Variants in SGCE observed in about 807,000 individuals in gnomAD.
The protein encoded by SGCE is sarcoglycan epsilon.
Under a neutral mutation model 57.8 loss-of-function variants are expected in SGCE, and 26 were observed. The ratio of observed to expected loss-of-function variants is 0.45; its 90% confidence interval spans 0.33 to 0.62. The LOEUF (loss-of-function observed/expected upper bound fraction) is 0.62, where lower values mean the gene tolerates loss of function less well. SGCE is among the 20% of genes least tolerant of loss of function. The pLI, the probability that SGCE is intolerant of heterozygous loss-of-function variation, is 0.02. For missense variants in SGCE, 468 were observed against 548.6 expected, an observed-to-expected ratio of 0.85 and a Z score of 1.47; for synonymous variants, 183 against 189.5, an observed-to-expected ratio of 0.97 and a Z score of 0.28.
At position 94,651,441 on chromosome 7, in the gene SGCE, C is replaced by T. The variant is rs973950649; in HGVS notation, c.109+4549G>A. 6.6e-5 allele frequency among the ~76,000 whole-genome samples: 10 copies of T among 152,236 alleles called. 1 individual carries two copies. The highest frequency in any genetic ancestry group is 2.4e-4 in the African/African-American group (10 of 41,534). Reference sequence around the variant, plus strand: ...CGATACCCTGACGCAAACCCAAGAACGTATACACCTCGCCGGTGCTGGTTC... The same window carrying T: ...CGATACCCTGACGCAAACCCAAGAATGTATACACCTCGCCGGTGCTGGTTC... On this transcript the variant is annotated intron_variant, in intron 1 of 10. Transcript: ENST00000648936.
chr7:94,641,814 T>C (rs986701147), intron 1 of SGCE, among the ~76,000 whole-genome samples: 1 of 152,072 alleles, frequency 6.6e-6, no homozygotes, highest in African/African-American at 2.4e-5. Context: ...GTAGTAGTAG[T>C]AGTGTTTTTA....
intron 5 of SGCE, among the ~76,000 whole-genome samples, chr7:94,612,798 T>C (rs1052955691): frequency 2.3e-4 from 35 of 152,096 alleles, no homozygotes; most frequent in Non-Finnish European, 2.1e-4. Flanking sequence ...TGTTCCTCCT[T>C]CTATCTTCTT....
chr7:94,601,609 G>T (rs912780110), intron 6 of SGCE, among the ~76,000 whole-genome samples: 1 of 151,912 alleles, frequency 6.6e-6, no homozygotes, highest in Non-Finnish European at 1.5e-5. Flanking sequence ...TACTACATTT[G>T]CTACTAAAAT....
intron 9 of SGCE, chr7:94,594,355 C>G (rs1308894406): frequency 6.6e-6 from 1 of 152,074 alleles, no homozygotes; most frequent in African/African-American, 2.4e-5. Context: ...CACTTATTCA[C>G]TAGGCTACAA....
intron 1 of SGCE, among the ~76,000 whole-genome samples, chr7:94,640,527 A>G (rs1393855060): frequency 6.6e-6 from 1 of 152,168 alleles, no homozygotes; most frequent in Middle Eastern, 3.2e-3. Flanking sequence ...TCTGATTACA[A>G]TATTGGCTCT....
chr7:94,651,048 A>G (rs544249276), intron 1 of SGCE, among the ~76,000 whole-genome samples: 2 of 152,310 alleles, frequency 1.3e-5, no homozygotes, highest in African/African-American at 4.8e-5. Flanking sequence ...TTTTTGTGAC[A>G]TATGGACACT....
rs1189469219 is a variant in SGCE, at chr7:94,603,331, A to AT, written c.783dup (p.Phe262IlefsTer8). 6.2e-7 allele frequency: 1 copy of AT among 1,612,818 alleles called. No individual in the cohort carries two copies. Among genetic ancestry groups the AT allele is most frequent in the Non-Finnish European group, 8.5e-7 (1 of 1,179,290 alleles). On this transcript the variant is annotated frameshift_variant, in exon 6 of 11. Transcript: ENST00000648936. LOFTEE classifies it high-confidence loss of function. ...CAGTCAATGTAAAATTGAGTACGAAATTTTTTATCACATGTTATTACAGGC... is the reference window on the plus strand; with the variant it reads ...CAGTCAATGTAAAATTGAGTACGAAATTTTTTTATCACATGTTATTACAGGC...
At chr7:94,601,443 C>CAAAAAAAAAAAAAAAAAAAA (rs71123905) in intron 6 of SGCE, among the ~76,000 whole-genome samples, 11 of 89,336 alleles carry the variant, frequency 1.2e-4, no homozygotes, top group African/African-American at 2.9e-4. Flanking sequence ...ATCCCAGTAT[C>CAAAAAAAAAAAAAAAAAAAA]AAAAAAAAAA....
At chr7:94,604,687 C>T (rs947238129) in intron 5 of SGCE, among the ~76,000 whole-genome samples, 1 of 150,780 alleles carries the variant, frequency 6.6e-6, no homozygotes, top group African/African-American at 2.4e-5. Flanking sequence ...ATCCACATAT[C>T]CTGTCCTACC....
intron 3 of SGCE, chr7:94,624,481 CCTCT>C: frequency 2.9e-6 from 1 of 346,046 alleles, no homozygotes; most frequent in East Asian, 4.2e-5. Flanking sequence ...GTTAAAAGAA[CCTCT>C]CTCTCCAGGA....
At chr7:94,631,540 C>T (rs1804725819) in intron 1 of SGCE, among the ~76,000 whole-genome samples, 1 of 151,838 alleles carries the variant, frequency 6.6e-6, no homozygotes, top group Non-Finnish European at 1.5e-5. Flanking sequence ...AAGTGGAATT[C>T]AATATGGCTC....
At chr7:94,587,684 A>T in intron 10 of SGCE, 1 of 1,529,342 alleles carries the variant, frequency 6.5e-7, no homozygotes, top group South Asian at 1.3e-5. Context: ...GAAACATGTT[A>T]GCATTTAATT....
intron 5 of SGCE, among the ~76,000 whole-genome samples, chr7:94,605,091 C>A (rs1799914339): frequency 6.6e-6 from 1 of 151,568 alleles, no homozygotes; most frequent in Non-Finnish European, 1.5e-5. Flanking sequence ...ATTAGTCCAG[C>A]TAGCAAGAAA....
chr7:94,652,890 A>G (rs1808094419), intron 1 of SGCE, among the ~76,000 whole-genome samples: 1 of 152,216 alleles, frequency 6.6e-6, no homozygotes, highest in Non-Finnish European at 1.5e-5. Flanking sequence ...GTCATTAAAA[A>G]TGAATAAGGT....
intron 1 of SGCE, among the ~76,000 whole-genome samples, chr7:94,644,877 T>C (rs1806852975): frequency 6.6e-6 from 1 of 152,170 alleles, no homozygotes; most frequent in African/African-American, 2.4e-5. Context: ...TTTTTCTCTC[T>C]AAAAAATGTA....
chr7:94,633,352 T>C (rs1805026218), intron 1 of SGCE, among the ~76,000 whole-genome samples: 1 of 152,046 alleles, frequency 6.6e-6, no homozygotes, highest in African/African-American at 2.4e-5. Flanking sequence ...TGAAGACAGG[T>C]AGTCATAAGG....
In SGCE at chr7:94,656,070, C is replaced by A; in HGVS notation, c.29G>T (p.Gly10Val). 1 of 1,612,352 alleles carries A rather than the reference C, an allele frequency of 6.2e-7. No individual in the cohort carries two copies. The highest frequency in any genetic ancestry group is 1.3e-5 in the African/African-American group (1 of 75,008). Residue 10 changes from glycine to valine, a missense_variant, in exon 1 of 11, where the codon GGA becomes GTA. Gly to Val is a moderately radical substitution (Grantham distance 109, BLOSUM62 -3). Transcript: ENST00000648936. MQLPRWWELGDPCAWTGQGR... is the reference protein window; with the variant it reads MQLPRWWELVDPCAWTGQGR... ...CTGTCCCGTCCAAGCACAGGGGTCT[C>A]CCAGCTCCCACCACCGGGGCAATTG... is the stretch of plus-strand genomic sequence containing the variant.
At chr7:94,627,407 A>G (rs1331749416) in intron 3 of SGCE, 1 of 152,046 alleles carries the variant, frequency 6.6e-6, no homozygotes, top group Non-Finnish European at 1.5e-5. Flanking sequence ...GAATGGTAAC[A>G]TCACCATCAC....
chr7:94,614,107 C>CAAAAA (rs925650428), intron 5 of SGCE, among the ~76,000 whole-genome samples: 25 of 94,874 alleles, frequency 2.6e-4, no homozygotes, highest in African/African-American at 6.3e-4. Context: ...AAATTGAAAT[C>CAAAAA]AAAAAAAAAA....
Sources: gnomAD v4.1 joint callset for allele counts (sites outside exome capture counted in the v4.1 genomes callset) on GRCh38, gnomAD v4.1.1 for gene constraint, MANE v1.5 for transcripts, NCBI Gene and HGNC (gene_info 2026-07-23, HGNC 2026-07-21) for gene names.